PTGDS: variants seen among roughly 807,000 people sequenced by gnomAD.
PTGDS encodes prostaglandin-H2 D-isomerase.
In PTGDS, 21 loss-of-function variants were observed where a neutral mutation model predicts 28.4. The observed-to-expected ratio is 0.74, with a 90% confidence interval of 0.52 to 1.07. The LOEUF (loss-of-function observed/expected upper bound fraction) is 1.07. PTGDS is among the 50% of genes least tolerant of loss of function. PTGDS has a pLI of 0.00. For synonymous variants in PTGDS, 102 were observed against 106.0 expected, an observed-to-expected ratio of 0.96 and a Z score of 0.23; for missense variants, 243 against 247.7, an observed-to-expected ratio of 0.98 and a Z score of 0.13.
chr9:136,977,577 G>A lies in PTGDS; in HGVS notation c.-2G>A, dbSNP rs1179680478. ...CCCGGACACCCGCTCTGCTGCAGGA[G>A]AATGGCTACTCATCACACACTGTGG... On this transcript the variant is annotated 5_prime_UTR_variant, in exon 1 of 7. Coordinates refer to ENST00000371625, the MANE Select transcript of PTGDS (RefSeq NM_000954.6). The A allele has an allele frequency of 1.9e-6, 3 of 1,590,848 alleles. No homozygotes were observed. The highest frequency in any genetic ancestry group is 2.6e-6 in the Non-Finnish European group (3 of 1,168,990).
At chr9:136,977,763 G>C in intron 1 of PTGDS, 71 bp downstream of exon 1, 1 of 1,357,634 alleles carries the variant, frequency 7.4e-7, no homozygotes. Flanking sequence ...TTCCGGCTGG[G>C]TCTTCCCCCT....
chr9:136,980,196 C>A lies in PTGDS; in HGVS notation c.462C>A (p.Thr154=), dbSNP rs1454744827. The stretch of plus-strand genomic sequence containing the variant: ...ACCCTGTCCCAGGCCGAACCCAGAC[C>A]CCCAGGGCTGAGTTAAAGGAGAAAT... The part of the protein sequence containing the change: ...RMATLYSRTQ[T]PRAELKEKFT... The change falls in exon 5 of 7, where the codon ACC becomes ACA. Residue 154 remains threonine (T), a synonymous_variant. Transcript: ENST00000371625. The A allele has an allele frequency of 1.9e-6, 3 of 1,613,914 alleles. No individual in the cohort carries two copies. In the South Asian group the frequency reaches 3.3e-5, roughly 18 times the overall value.
At position 136,977,575 on chromosome 9, in the gene PTGDS, G is replaced by A. The variant is rs769070292; in HGVS notation, c.-4G>A. The A allele has an allele frequency of 1.1e-5, 18 of 1,589,262 alleles. No individual in the cohort carries two copies. The Admixed American group carries it at 2.5e-4, about 22-fold the overall frequency. ...GCCCCGGACACCCGCTCTGCTGCAG[G>A]AGAATGGCTACTCATCACACACTGT... On this transcript the variant is annotated 5_prime_UTR_variant, in exon 1 of 7. Transcript: ENST00000371625.
At chr9:136,980,560 G>A (rs1830436469) in intron 5 of PTGDS, 1 of 1,194,978 alleles carries the variant, frequency 8.4e-7, no homozygotes, top group Non-Finnish European at 1.2e-6. Context: ...GGGGGCATAG[G>A]GTAGAGGGTG....
At position 136,977,706 on chromosome 9, in the gene PTGDS, C is replaced by T; in HGVS notation, c.114+14C>T. On this transcript the variant is annotated intron_variant, in intron 1 of 6. Transcript: ENST00000371625. Reference sequence around the variant, plus strand: ...CAGCAGGACAAGGTGAGGGGCTTTCCTGCGTCATCCCCAAGGGCTACAGGA... The same window carrying T: ...CAGCAGGACAAGGTGAGGGGCTTTCTTGCGTCATCCCCAAGGGCTACAGGA... 6 of 1,565,392 alleles carry T rather than the reference C, an allele frequency of 3.8e-6. No individual in the cohort carries two copies. The highest frequency in any genetic ancestry group is 5.2e-6 in the Non-Finnish European group (6 of 1,156,276).
intron 6 of PTGDS, 50 bp downstream of exon 6, chr9:136,980,905 A>AG: frequency 7.0e-6 from 3 of 429,722 alleles, no homozygotes; most frequent in Admixed American, 4.7e-5. Context: ...CATTCATTCA[A>AG]CACACATCCA....
intron 1 of PTGDS, 124 bp from the exon 2 acceptor site, chr9:136,978,869 G>A (rs1231540281): frequency 2.1e-6 from 3 of 1,395,666 alleles, no homozygotes; most frequent in Non-Finnish European, 2.9e-6. Flanking sequence ...CTGCTCGGGG[G>A]ATTGGGCGTG....
rs377518535 is a variant in PTGDS, at chr9:136,979,793, A to G, written c.332-153A>G. 16 of 768,990 alleles carry G rather than the reference A, an allele frequency of 2.1e-5. No homozygotes were observed. In the East Asian group the frequency reaches 2.2e-4, roughly 11 times the overall value. The allele number at this position is 768,990 out of a possible 1,614,324, so 47.6% of individuals were successfully genotyped here. Reference sequence around the variant, plus strand: ...GTTCACAGGCTGTGCAGGCGAGAGCAGGGCACTGGCTGGAGAGCAGCCGGG... The same window carrying G: ...GTTCACAGGCTGTGCAGGCGAGAGCGGGGCACTGGCTGGAGAGCAGCCGGG... On this transcript the variant is annotated intron_variant, in intron 3 of 6. Transcript: ENST00000371625.
At chr9:136,981,324 C>T (rs1282195199) in intron 6 of PTGDS, among the ~76,000 whole-genome samples, 2 of 152,094 alleles carry the variant, frequency 1.3e-5, no homozygotes, top group Non-Finnish European at 2.9e-5. Flanking sequence ...GGCGGATTCA[C>T]CCACCACCCC....
intron 1 of PTGDS, 40 bp from the exon 2 acceptor site, chr9:136,978,953 G>C: frequency 6.3e-7 from 1 of 1,597,328 alleles, no homozygotes. Flanking sequence ...GGTGGGTCCG[G>C]AGGGTCCTGG....
At position 136,979,043 on chromosome 9, in the gene PTGDS, C is replaced by T. The variant is rs747932237; in HGVS notation, c.165C>T (p.Leu55=). Residue 55 remains leucine, a synonymous_variant, in exon 2 of 7, where the codon CTC becomes CTT. Transcript: ENST00000371625. ...SAGLASNSSW[L]REKKAALSMC... ...GCCTCGCCTCCAACTCGAGCTGGCT[C>T]CGGGAGAAGAAGGCGGCGTTGTCCA... The T allele has an allele frequency of 3.1e-6, 5 of 1,608,750 alleles. No homozygotes were observed. Among genetic ancestry groups the T allele is most frequent in the Non-Finnish European group, 4.2e-6 (5 of 1,177,520 alleles).
At chr9:136,977,760 T>G (rs956623399) in intron 1 of PTGDS, 68 bp downstream of exon 1, 3 of 1,370,140 alleles carry the variant, frequency 2.2e-6, no homozygotes, top group Non-Finnish European at 2.0e-6. Flanking sequence ...ACTTTCCGGC[T>G]GGGTCTTCCC....
chr9:136,978,928 C>A, intron 1 of PTGDS, 65 bp from the exon 2 acceptor site: 2 of 1,580,954 alleles, frequency 1.3e-6, no homozygotes, highest in Middle Eastern at 4.1e-4. Flanking sequence ...AGAGGCGCCC[C>A]CGCAGGTAGG....
In PTGDS at chr9:136,979,967, T is replaced by G. The variant is rs751562455; in HGVS notation, c.353T>G (p.Val118Gly). The part of the protein sequence containing the change: ...RSPHWGSTYS[V>G]SVVETDYDQY... ...CCAGACTGGGGCAGCACCTACTCCGTGTCAGTGGTGGAGACCGACTACGAC... is the reference window on the plus strand; with the variant it reads ...CCAGACTGGGGCAGCACCTACTCCGGGTCAGTGGTGGAGACCGACTACGAC... The change falls in exon 4 of 7, where the codon GTG becomes GGG. Residue 118 changes from valine (V) to glycine (G), a missense_variant. By Grantham distance (109) the Val-to-Gly change is moderately radical (BLOSUM62 -3). Coordinates refer to ENST00000371625, the MANE Select transcript of PTGDS (RefSeq NM_000954.6). 2 of 1,613,272 alleles carry G rather than the reference T, an allele frequency of 1.2e-6. No homozygotes were observed. The highest frequency in any genetic ancestry group is 1.7e-6 in the Non-Finnish European group (2 of 1,179,928).
At chr9:136,979,858 C>T in intron 3 of PTGDS, 88 bp from the exon 4 acceptor site, 1 of 1,307,456 alleles carries the variant, frequency 7.6e-7, no homozygotes, top group Non-Finnish European at 1.1e-6. Context: ...CTGAGTGCCC[C>T]CAAAGCCCAC....
chr9:136,978,497 TGGGGCGGGGCGTGA>T (rs1233106243), intron 1 of PTGDS, among the ~76,000 whole-genome samples: 2 of 5,478 alleles, frequency 3.7e-4, no homozygotes, highest in East Asian at 9.6e-3. Flanking sequence ...GGTCATCTCC[TGGGGCGGGGCGTGA>T]GGGGCGGGGC....
Position 136,978,975 on chromosome 9 carries a change from G to A in PTGDS, c.115-18G>A. 9 of 1,602,570 alleles carry A rather than the reference G, an allele frequency of 5.6e-6. No individual in the cohort carries two copies. Among genetic ancestry groups the A allele is most frequent in the Non-Finnish European group, 7.6e-6 (9 of 1,177,956 alleles). On this transcript the variant is annotated intron_variant, in intron 1 of 6. Coordinates refer to ENST00000371625, the MANE Select transcript of PTGDS (RefSeq NM_000954.6). Reference sequence around the variant, plus strand: ...CCGGAGGGTCCTGGCCGACGCGGGTGGGGGTCGCTCGCCGCAGTTCCTGGG... The same window carrying A: ...CCGGAGGGTCCTGGCCGACGCGGGTAGGGGTCGCTCGCCGCAGTTCCTGGG...
In PTGDS at chr9:136,979,112, C is replaced by T; in HGVS notation, c.234C>T (p.Asn78=). 6.2e-7 allele frequency: 1 copy of T among 1,612,428 alleles called. No individual in the cohort carries two copies. The highest frequency in any genetic ancestry group is 8.5e-7 in the Non-Finnish European group (1 of 1,179,540). The part of the protein sequence containing the change: ...VVAPATDGGL[N]LTSTFLRKNQ... ...CCCCTGCCACGGATGGTGGCCTCAACCTGACCTCCACCTTCCTCAGGTGGG... is the reference window on the plus strand; with the variant it reads ...CCCCTGCCACGGATGGTGGCCTCAATCTGACCTCCACCTTCCTCAGGTGGG... Residue 78 remains asparagine, a synonymous_variant, in exon 2 of 7, where the codon AAC becomes AAT. Transcript: ENST00000371625.
intron 1 of PTGDS, among the ~76,000 whole-genome samples, chr9:136,978,000 C>T (rs1830391435): frequency 6.6e-6 from 1 of 152,204 alleles, no homozygotes; most frequent in Non-Finnish European, 1.5e-5. Flanking sequence ...AGAGGACACA[C>T]GAGCGCACGT....
Sources: gnomAD v4.1 joint callset for allele counts (sites outside exome capture counted in the v4.1 genomes callset) on GRCh38, gnomAD v4.1.1 for gene constraint, MANE v1.5 for transcripts, NCBI Gene and HGNC (gene_info 2026-07-23, HGNC 2026-07-21) for gene names.